ATRN: variants seen among roughly 807,000 people sequenced by gnomAD.
ATRN encodes attractin-2.
Under a neutral mutation model 178.7 loss-of-function variants are expected in ATRN, and 54 were observed. The ratio of observed to expected loss-of-function variants is 0.30; its 90% CI spans 0.24 to 0.38. ATRN has a LOEUF of 0.38. Among genes scored for constraint, ATRN ranks in the 10% least tolerant of loss-of-function variants. The pLI is 1.00. For synonymous variants in ATRN, 636 were observed against 663.0 expected (o/e 0.96, Z 0.63); for missense variants, 1,443 against 1,815.1 (o/e 0.79, Z 3.73).
chr20:3,612,405 C>G (rs1031082834), intron 24 of ATRN, among the ~76,000 whole-genome samples: 2 of 152,126 alleles, frequency 1.3e-5, no homozygotes, highest in Non-Finnish European at 2.9e-5. Flanking sequence ...GATCTCTAGA[C>G]CCTGTTTTAA....
intron 1 of ATRN, among the ~76,000 whole-genome samples, chr20:3,487,269 T>C (rs916425322): frequency 2.4e-4 from 37 of 152,174 alleles, no homozygotes; most frequent in African/African-American, 8.9e-4. Flanking sequence ...CGAGTCTTCT[T>C]GTTGCCCAGG....
intron 1 of ATRN, among the ~76,000 whole-genome samples, chr20:3,483,090 T>C (rs1258665673): frequency 1.3e-5 from 2 of 152,238 alleles, no homozygotes; most frequent in African/African-American, 4.8e-5. Context: ...TTGATGTTTA[T>C]TATTTCTCTT....
chr20:3,621,778 A>G (rs2086899039), intron 24 of ATRN, among the ~76,000 whole-genome samples: 1 of 152,192 alleles, frequency 6.6e-6, no homozygotes. Flanking sequence ...AGTATGGGAA[A>G]ATACTTTAAT....
intron 23 of ATRN, 40 bp downstream of exon 23, chr20:3,601,064 T>TA: frequency 1.3e-6 from 2 of 1,536,294 alleles, no homozygotes; most frequent in Non-Finnish European, 1.8e-6. Flanking sequence ...AATGAAGGTG[T>TA]GGTAGATTAA....
chr20:3,587,744 C>T (rs1363865876), intron 18 of ATRN, among the ~76,000 whole-genome samples: 1 of 152,124 alleles, frequency 6.6e-6, no homozygotes, highest in Admixed American at 6.6e-5. Flanking sequence ...TTAGGATGAG[C>T]TTGCCATTTT....
chr20:3,572,668 A>G, intron 11 of ATRN, 63 bp from the exon 12 acceptor site: 1 of 1,289,558 alleles, frequency 7.8e-7, no homozygotes, highest in East Asian at 2.4e-5. Flanking sequence ...AAAAAAAAAA[A>G]GTATAGCATC....
chr20:3,638,737 G>A lies in ATRN; in HGVS notation c.3943-91G>A. On this transcript the variant is annotated intron_variant, in intron 26 of 28. Coordinates refer to ENST00000262919, the MANE Select transcript of ATRN (RefSeq NM_139321.3). This position sits in a 1 kb window ranked among gnomAD's most constrained non-coding sequence, Gnocchi z 4.5. Reference sequence around the variant, plus strand: ...TTTTGGACTTGATTTGTTTGAATCAGGGAGGATGAGGTGTTTTTAACATGT... The same window carrying A: ...TTTTGGACTTGATTTGTTTGAATCAAGGAGGATGAGGTGTTTTTAACATGT... The A allele has an allele frequency of 9.7e-7, 1 of 1,035,026 alleles. No homozygotes were observed. Among genetic ancestry groups the A allele is most frequent in the Non-Finnish European group, 1.4e-6 (1 of 692,902 alleles). The allele number at this position is 1,035,026 out of a possible 1,614,324, so 64.1% of individuals were successfully genotyped here.
intron 1 of ATRN, among the ~76,000 whole-genome samples, chr20:3,482,924 C>G (rs745609119): frequency 2.6e-5 from 4 of 152,270 alleles, no homozygotes; most frequent in Admixed American, 1.3e-4. Context: ...AGGAATATCT[C>G]TTTGTACTTG....
chr20:3,627,378 T>G (rs982779383), intron 25 of ATRN, among the ~76,000 whole-genome samples: 1 of 152,082 alleles, frequency 6.6e-6, no homozygotes, highest in Non-Finnish European at 1.5e-5. Flanking sequence ...AAAGCACATA[T>G]TAGAAAAGAA....
intron 24 of ATRN, among the ~76,000 whole-genome samples, chr20:3,624,114 G>T (rs1369263505): frequency 6.6e-6 from 1 of 152,220 alleles, no homozygotes; most frequent in Admixed American, 6.5e-5. Context: ...ACCAAATGAA[G>T]AGCACAGAAT....
intron 14 of ATRN, among the ~76,000 whole-genome samples, chr20:3,578,278 G>T (rs757325170): frequency 6.6e-6 from 1 of 152,242 alleles, no homozygotes; most frequent in South Asian, 2.1e-4. Flanking sequence ...TTTTCTAATT[G>T]TTCTTCAGAA....
chr20:3,623,199 T>G (rs897906242), intron 24 of ATRN, among the ~76,000 whole-genome samples: 1 of 152,206 alleles, frequency 6.6e-6, no homozygotes, highest in Non-Finnish European at 1.5e-5. Flanking sequence ...TCTAAAACTT[T>G]TATGTGAGGA....
intron 1 of ATRN, among the ~76,000 whole-genome samples, chr20:3,510,384 T>C (rs1216456727): frequency 6.6e-6 from 1 of 152,252 alleles, no homozygotes; most frequent in Non-Finnish European, 1.5e-5. Flanking sequence ...AGCCATTGAC[T>C]ATAAGTATGT....
chr20:3,497,317 G>A (rs1226794478), intron 1 of ATRN, among the ~76,000 whole-genome samples: 2 of 151,738 alleles, frequency 1.3e-5, no homozygotes, highest in African/African-American at 4.8e-5. Flanking sequence ...TCCTTTCCAT[G>A]TTTAGCACTT....
chr20:3,538,378 A>T (rs1279279047), intron 2 of ATRN, among the ~76,000 whole-genome samples: 1 of 152,168 alleles, frequency 6.6e-6, no homozygotes, highest in Non-Finnish European at 1.5e-5. Flanking sequence ...CAGCATGGTT[A>T]TAAAATATAT....
At chr20:3,522,454 G>C (rs758067151) in intron 1 of ATRN, among the ~76,000 whole-genome samples, 2 of 152,234 alleles carry the variant, frequency 1.3e-5, no homozygotes, top group Non-Finnish European at 2.9e-5. Context: ...TCCTGGGACA[G>C]AGCACCTGGG....
intron 7 of ATRN, among the ~76,000 whole-genome samples, chr20:3,559,883 A>G (rs1006106331): frequency 5.9e-5 from 9 of 152,316 alleles, no homozygotes; most frequent in Middle Eastern, 3.4e-3. Flanking sequence ...CTTTTATACT[A>G]TAAAAGATTC....
intron 12 of ATRN, 117 bp from the exon 13 acceptor site, chr20:3,575,710 C>G (rs987610470): frequency 1.8e-6 from 2 of 1,131,814 alleles, no homozygotes; most frequent in Admixed American, 2.3e-5. Flanking sequence ...TATTTTCCTG[C>G]CAGTTTCATT....
chr20:3,604,491 T>C (rs980564693), intron 24 of ATRN, among the ~76,000 whole-genome samples: 16 of 152,274 alleles, frequency 1.1e-4, no homozygotes, highest in Admixed American at 5.9e-4. Flanking sequence ...TGAAAGCAAG[T>C]TGGCATGTAA....
Sources: allele counts gnomAD v4.1 joint callset (sites outside exome capture counted in the v4.1 genomes callset), GRCh38; gene constraint gnomAD v4.1.1; non-coding constraint Gnocchi (gnomAD v3.1); transcripts MANE v1.5; gene names NCBI Gene and HGNC (gene_info 2026-07-23, HGNC 2026-07-21).